EDA: variants seen among roughly 807,000 people sequenced by gnomAD.
EDA encodes ectodysplasin-A.
In EDA, 2 loss-of-function variants were observed where a neutral mutation model predicts 23.6. That is an observed-to-expected ratio of 0.08 (90% CI 0.03 to 0.27). The LOEUF (loss-of-function observed/expected upper bound fraction) is 0.27, where lower values mean the gene tolerates loss of function less well. Ranked by LOEUF, EDA falls within the 10% of genes least tolerant of loss-of-function variation. The pLI is 1.00. For missense variants in EDA, 229 were observed against 324.2 expected, an observed-to-expected ratio of 0.71 and a Z score of 2.26; for synonymous variants, 131 against 132.0, an observed-to-expected ratio of 0.99 and a Z score of 0.05.
intron 1 of EDA, among the ~76,000 whole-genome samples, chrX:69,768,881 T>C (rs1418885177): frequency 1.8e-5 from 2 of 112,020 alleles, no homozygotes; most frequent in Non-Finnish European, 3.8e-5. Flanking sequence ...ATACGGTTTA[T>C]TCATCATCAT....
chrX:69,831,440 C>G (rs144361308), intron 1 of EDA, among the ~76,000 whole-genome samples: 168 of 112,647 alleles, frequency 1.5e-3, no homozygotes, highest in African/African-American at 5.3e-3. Context: ...GCCACATTTT[C>G]TTAATCCAGT....
intron 1 of EDA, among the ~76,000 whole-genome samples, chrX:69,716,025 T>G (rs1420167432): frequency 8.9e-6 from 1 of 111,985 alleles, no homozygotes; most frequent in Non-Finnish European, 1.9e-5. Context: ...TATGGGTTAT[T>G]TGTTTAATCT....
In EDA at chrX:70,035,503, G is replaced by A. The variant is rs61747506; in HGVS notation, c.1070G>A (p.Arg357Gln). Residue 357 changes from arginine (R) to glutamine (Q), a missense_variant, in exon 8 of 8, where the codon CGG (arginine) becomes CAG (glutamine). Coordinates refer to ENST00000374552, the MANE Select transcript of EDA (RefSeq NM_001399.5). Reference protein sequence around the residue: ...YTAGVCLLKARQKIAVKMVHA... With the variant: ...YTAGVCLLKAQQKIAVKMVHA... The stretch of plus-strand genomic sequence containing the variant: ...GCAGGCGTCTGCCTCCTCAAGGCCC[G>A]GCAGAAGATCGCCGTCAAGATGGTG... The A allele has an allele frequency of 5.1e-5, 62 of 1,206,739 alleles. 1 individual carries two copies. The highest frequency in any genetic ancestry group is 3.0e-5 in the East Asian group (1 of 33,661).
At chrX:69,790,312 A>G (rs1320687735) in intron 1 of EDA, among the ~76,000 whole-genome samples, 9 of 110,144 alleles carry the variant, frequency 8.2e-5, no homozygotes, top group Non-Finnish European at 1.3e-4. Flanking sequence ...TTCAAGATCT[A>G]TGTATGTCGG....
At chrX:69,828,422 A>T (rs5936767) in intron 1 of EDA, among the ~76,000 whole-genome samples, 3 of 110,974 alleles carry the variant, frequency 2.7e-5, no homozygotes, top group African/African-American at 9.8e-5. Flanking sequence ...TTTTAAGCCC[A>T]TTGGAAAAGC....
In EDA at chrX:70,035,683, C is replaced by T; in HGVS notation, c.*74C>T. The T allele has an allele frequency of 3.5e-6, 4 of 1,141,917 alleles. No individual in the cohort carries two copies. The highest frequency in any genetic ancestry group is 4.8e-6 in the Non-Finnish European group (4 of 838,712). The allele number at this position is 1,141,917 out of a possible 1,213,427, so 94.1% of individuals were successfully genotyped here. A position where few individuals can be genotyped will look rare whatever the true frequency, so the allele number is the denominator to read the frequency against. On this transcript the variant is annotated 3_prime_UTR_variant, in exon 8 of 8. Coordinates refer to ENST00000374552, the MANE Select transcript of EDA (RefSeq NM_001399.5). Reference sequence around the variant, plus strand: ...CCAGGACTCCCAGAACCTCTAAGTGCTGCTGTGGAGTGAGGTGTATTGGTG... The same window carrying T: ...CCAGGACTCCCAGAACCTCTAAGTGTTGCTGTGGAGTGAGGTGTATTGGTG...
At chrX:69,633,793 G>A (rs779165933) in intron 1 of EDA, among the ~76,000 whole-genome samples, 3 of 112,248 alleles carry the variant, frequency 2.7e-5, no homozygotes, top group Non-Finnish European at 5.6e-5. Context: ...CCACCTTGGG[G>A]TATTATGAAT....
At chrX:69,699,204 C>G (rs774568665) in intron 1 of EDA, among the ~76,000 whole-genome samples, 2 of 111,146 alleles carry the variant, frequency 1.8e-5, no homozygotes, top group African/African-American at 6.6e-5. Flanking sequence ...GGTTTGTACC[C>G]GACATGGAAA....
chrX:69,911,570 A>G (rs2018266754), intron 1 of EDA, among the ~76,000 whole-genome samples: 1 of 111,814 alleles, frequency 8.9e-6, no homozygotes, highest in Admixed American at 9.5e-5. Flanking sequence ...AGTTACAGGC[A>G]CACCTCAGAG....
intron 2 of EDA, among the ~76,000 whole-genome samples, chrX:70,008,688 A>G (rs1569399692): frequency 9.1e-6 from 1 of 110,070 alleles, no homozygotes; most frequent in Non-Finnish European, 1.9e-5. Flanking sequence ...CCCTGCTTCT[A>G]TTTCCTTTTT....
chrX:69,933,460 T>A lies in EDA; in HGVS notation c.397-23567T>A, dbSNP rs1315088513. ...ACTTTGGGAGGCCGAGGCGGGCAGA[T>A]CATGAGGTCAGGAGTTCGAGACCAG... On this transcript the variant is annotated intron_variant, in intron 1 of 7. Transcript: ENST00000374552. 2.7e-5 allele frequency among the ~76,000 whole-genome samples: 3 copies of A among 111,708 alleles called. No individual in the cohort carries two copies. In the East Asian group the frequency reaches 8.5e-4, roughly 31 times the overall value.
chrX:69,959,096 A>G lies in EDA; in HGVS notation c.502+1964A>G, dbSNP rs1353875275. The stretch of plus-strand genomic sequence containing the variant: ...TCAGCTACCAACGTCTCTGATACCG[A>G]TCTTCCTTAGAATGTTTATTCTGTC... On this transcript the variant is annotated intron_variant, in intron 2 of 7. Transcript: ENST00000374552. Among the ~76,000 whole-genome samples the G allele has an allele frequency of 3.6e-5, 4 of 111,997 alleles. No individual in the cohort carries two copies. The South Asian group carries it at 1.5e-3, about 42-fold the overall frequency.
intron 1 of EDA, among the ~76,000 whole-genome samples, chrX:69,808,439 T>C (rs2015865614): frequency 9.0e-6 from 1 of 111,594 alleles, no homozygotes; most frequent in Non-Finnish European, 1.9e-5. Context: ...TCAGACTTTT[T>C]GTTGAAGATT....
At chrX:69,795,179 C>G (rs979096479) in intron 1 of EDA, among the ~76,000 whole-genome samples, 3 of 110,367 alleles carry the variant, frequency 2.7e-5, no homozygotes, top group African/African-American at 9.9e-5. Flanking sequence ...CTAATCCACC[C>G]CACCACACCC....
intron 1 of EDA, among the ~76,000 whole-genome samples, chrX:69,860,011 G>A (rs1224584312): frequency 9.2e-6 from 1 of 108,985 alleles, no homozygotes; most frequent in Non-Finnish European, 1.9e-5. Context: ...TATCTTTGCT[G>A]GTTTAAAGTC....
At chrX:69,696,097 G>A (rs761456030) in intron 1 of EDA, among the ~76,000 whole-genome samples, 3 of 110,427 alleles carry the variant, frequency 2.7e-5, no homozygotes, top group Non-Finnish European at 5.7e-5. Context: ...AAATTAGCTG[G>A]GCGTGGTGGC....
At chrX:69,752,111 A>G (rs925838924) in intron 1 of EDA, among the ~76,000 whole-genome samples, 6 of 111,070 alleles carry the variant, frequency 5.4e-5, no homozygotes, top group Non-Finnish European at 1.1e-4. Flanking sequence ...TTCCAACACT[A>G]TGTTGAATAG....
intron 1 of EDA, among the ~76,000 whole-genome samples, chrX:69,809,793 G>A (rs1223543342): frequency 9.0e-6 from 1 of 111,148 alleles, no homozygotes; most frequent in African/African-American, 3.3e-5. Flanking sequence ...GGTGCATCTT[G>A]GTAGATGTTA....
At chrX:69,757,922 A>T (rs2014174203) in intron 1 of EDA, among the ~76,000 whole-genome samples, 1 of 112,263 alleles carries the variant, frequency 8.9e-6, no homozygotes, top group South Asian at 3.7e-4. Context: ...AGCTCCCCAC[A>T]TGGGCTCAGT....
Sources: allele counts gnomAD v4.1 joint callset (sites outside exome capture counted in the v4.1 genomes callset), GRCh38; gene constraint gnomAD v4.1.1; transcripts MANE v1.5; gene names NCBI Gene and HGNC (gene_info 2026-07-23, HGNC 2026-07-21).